The following SHISA9 variants were observed in gnomAD, a reference collection of about 807,000 sequenced individuals.
SHISA9 encodes shisa family member 9, also known as protein shisa-9.
Under a neutral mutation model 38.0 loss-of-function variants are expected in SHISA9, and 13 were observed. The observed-to-expected ratio is 0.34, with a 90% CI of 0.22 to 0.54. The LOEUF (loss-of-function observed/expected upper bound fraction) is 0.54. SHISA9 is among the 20% of genes least tolerant of loss of function. The probability of loss-of-function intolerance (pLI) is 0.91; values close to 1 mark genes in which losing one functional copy is unlikely to be tolerated. For synonymous variants in SHISA9, 275 were observed against 242.0 expected, an observed-to-expected ratio of 1.14 and a Z score of -1.27; for missense variants, 538 against 575.8, an observed-to-expected ratio of 0.93 and a Z score of 0.67.
intron 2 of SHISA9, among the ~76,000 whole-genome samples, chr16:13,113,733 T>C (rs73520678): frequency 6.6e-6 from 1 of 152,172 alleles, no homozygotes; most frequent in African/African-American, 2.4e-5. Context: ...GTTTGCCTTT[T>C]CTGGCTGTGT....
the SHISA9 span, among the ~76,000 whole-genome samples, chr16:13,416,719 A>G: frequency 6.8e-6 from 1 of 146,044 alleles, no homozygotes; most frequent in East Asian, 2.1e-4. Context: ...GAAGAAAGAG[A>G]AAGAAAGGAA....
chr16:13,473,223 G>C, the SHISA9 span, among the ~76,000 whole-genome samples: 6 of 151,992 alleles, frequency 3.9e-5, no homozygotes, highest in Non-Finnish European at 7.4e-5. Context: ...GTCTTGGGCT[G>C]ATTTGGGCTA....
the SHISA9 span, among the ~76,000 whole-genome samples, chr16:13,365,573 C>T: frequency 1.4e-4 from 21 of 151,108 alleles, no homozygotes; most frequent in Admixed American, 6.6e-5. Flanking sequence ...TCTCCTGCCT[C>T]AGCCTTCTGA....
At chr16:13,557,785 A>G in the SHISA9 span, among the ~76,000 whole-genome samples, 1 of 152,158 alleles carries the variant, frequency 6.6e-6, no homozygotes, top group Non-Finnish European at 1.5e-5. Flanking sequence ...CAGGTCTGTC[A>G]TTCAAGATTC....
chr16:13,466,685 A>G, the SHISA9 span, among the ~76,000 whole-genome samples: 3 of 152,226 alleles, frequency 2.0e-5, no homozygotes, highest in African/African-American at 7.2e-5. Context: ...TTAAAAATAC[A>G]TTTGTGCATA....
At chr16:13,368,714 A>G in the SHISA9 span, among the ~76,000 whole-genome samples, 1 of 147,428 alleles carries the variant, frequency 6.8e-6, no homozygotes, top group Non-Finnish European at 1.5e-5. Flanking sequence ...GATTGGAGCA[A>G]TGACCTCCAA....
intron 2 of SHISA9, among the ~76,000 whole-genome samples, chr16:13,128,872 C>T (rs572175697): frequency 2.6e-5 from 4 of 152,240 alleles, no homozygotes; most frequent in South Asian, 2.1e-4. Flanking sequence ...AGGAACTTGG[C>T]GCTGCCATAT....
chr16:13,059,790 G>T (rs2073352979), intron 2 of SHISA9, among the ~76,000 whole-genome samples: 1 of 152,076 alleles, frequency 6.6e-6, no homozygotes, highest in Non-Finnish European at 1.5e-5. Flanking sequence ...CAGTATGACT[G>T]ATGTTCTTAC....
intron 2 of SHISA9, among the ~76,000 whole-genome samples, chr16:13,130,515 A>T (rs968155293): frequency 6.6e-6 from 1 of 152,142 alleles, no homozygotes; most frequent in Non-Finnish European, 1.5e-5. Context: ...GTACTTTTCC[A>T]AAGTACTTCA....
At chr16:12,977,325 A>G (rs2072177137) in intron 2 of SHISA9, among the ~76,000 whole-genome samples, 1 of 152,174 alleles carries the variant, frequency 6.6e-6, no homozygotes, top group Non-Finnish European at 1.5e-5. Context: ...ACTTAGGGGA[A>G]TCAGGTAAGA....
chr16:13,051,394 G>T (rs547950439), intron 2 of SHISA9, among the ~76,000 whole-genome samples: 2 of 152,270 alleles, frequency 1.3e-5, no homozygotes, highest in South Asian at 4.1e-4. Flanking sequence ...CCCTGCCCTT[G>T]ACTCGGGTTT....
the SHISA9 span, among the ~76,000 whole-genome samples, chr16:13,477,409 C>G: frequency 6.6e-6 from 1 of 152,116 alleles, no homozygotes; most frequent in South Asian, 2.1e-4. Context: ...AAAAAGAATT[C>G]TAAGGCAGAC....
chr16:13,489,775 G>A, the SHISA9 span, among the ~76,000 whole-genome samples: 4 of 152,110 alleles, frequency 2.6e-5, no homozygotes, highest in Admixed American at 6.5e-5. Context: ...ACAATCCCCC[G>A]TGAATGCTAT....
the SHISA9 span, among the ~76,000 whole-genome samples, chr16:13,281,301 A>G: frequency 2.8e-4 from 43 of 151,908 alleles, no homozygotes; most frequent in African/African-American, 8.7e-4. Flanking sequence ...TATAGCTCTT[A>G]TCAATATGGT....
intron 2 of SHISA9, among the ~76,000 whole-genome samples, chr16:12,987,060 G>A (rs1308480437): frequency 3.9e-5 from 6 of 152,164 alleles, no homozygotes; most frequent in Admixed American, 1.3e-4. Context: ...AGTATCTGCC[G>A]AGGAACTGGC....
chr16:13,226,616 A>G (rs973384475), intron 4 of SHISA9, among the ~76,000 whole-genome samples: 2 of 152,230 alleles, frequency 1.3e-5, no homozygotes, highest in Non-Finnish European at 1.5e-5. Flanking sequence ...GTTGCTGAGC[A>G]TAGCAACCAT....
rs184548390 is a variant in SHISA9, at chr16:13,213,684, A to T, written c.895+384A>T. Among the ~76,000 whole-genome samples, 196 of 152,340 alleles carry T rather than the reference A, an allele frequency of 1.3e-3. 1 individual carries two copies. Among genetic ancestry groups the T allele is most frequent in the African/African-American group, 4.6e-3 (190 of 41,580 alleles). ...AAGAACACAGCTTCTGAGGGAGAGA[A>T]AAACATAATCAAGTTATTGGCCAAG... On this transcript the variant is annotated intron_variant, in intron 4 of 4. Transcript: ENST00000558583.
At chr16:12,966,459 T>C (rs2071979412) in intron 2 of SHISA9, among the ~76,000 whole-genome samples, 1 of 152,176 alleles carries the variant, frequency 6.6e-6, no homozygotes, top group Admixed American at 6.5e-5. Context: ...CTCACCATGT[T>C]GCCCAGGCTG....
chr16:13,495,817 T>C, the SHISA9 span, among the ~76,000 whole-genome samples: 1 of 152,048 alleles, frequency 6.6e-6, no homozygotes, highest in Non-Finnish European at 1.5e-5. Flanking sequence ...ATTGAAACAG[T>C]ACAAAACACT....
Sources: allele counts gnomAD v4.1 joint callset (sites outside exome capture counted in the v4.1 genomes callset), GRCh38; gene constraint gnomAD v4.1.1; transcripts MANE v1.5; gene names NCBI Gene and HGNC (gene_info 2026-07-23, HGNC 2026-07-21).